The following THSD7B variants were observed in gnomAD, a reference collection of about 807,000 sequenced individuals.
THSD7B encodes the protein thrombospondin type-1 domain-containing protein 7B.
Under a neutral mutation model 213.6 loss-of-function variants are expected in THSD7B, and 138 were observed. The ratio of observed to expected loss-of-function variants is 0.65; its 90% CI spans 0.56 to 0.74. The LOEUF (loss-of-function observed/expected upper bound fraction) is 0.74, where lower values mean the gene tolerates loss of function less well. THSD7B is among the 30% of genes least tolerant of loss of function. The pLI, the probability that THSD7B is intolerant of heterozygous loss-of-function variation, is 0.00. For missense variants in THSD7B, 1,931 were observed against 1,991.5 expected (o/e 0.97, Z 0.58); for synonymous variants, 742 against 687.0 (o/e 1.08, Z -1.25).
At chr2:137,579,352 A>G (rs2105243305) in intron 17 of THSD7B, among the ~76,000 whole-genome samples, 1 of 152,302 alleles carries the variant, frequency 6.6e-6, no homozygotes, top group East Asian at 1.9e-4. Context: ...TACTCAAACC[A>G]AAACATTGGT....
chr2:137,067,011 T>C (rs1256013976), intron 3 of THSD7B, among the ~76,000 whole-genome samples: 1 of 152,128 alleles, frequency 6.6e-6, no homozygotes, highest in African/African-American at 2.4e-5. Flanking sequence ...CTTTACGATG[T>C]TTTTGATTTC....
At chr2:136,828,671 G>T (rs1573657427) in intron 1 of THSD7B, among the ~76,000 whole-genome samples, 1 of 152,280 alleles carries the variant, frequency 6.6e-6, no homozygotes, top group East Asian at 1.9e-4. Flanking sequence ...CCTCAGGCCT[G>T]CTAAGCACAT....
chr2:136,979,183 T>C (rs1473358086), intron 2 of THSD7B, among the ~76,000 whole-genome samples: 2 of 152,248 alleles, frequency 1.3e-5, no homozygotes, highest in Non-Finnish European at 2.9e-5. Flanking sequence ...TGGCCTTCCC[T>C]TTGTAGGTGA....
chr2:137,502,054 C>T (rs1309663856), intron 15 of THSD7B, among the ~76,000 whole-genome samples: 1 of 152,044 alleles, frequency 6.6e-6, no homozygotes, highest in East Asian at 1.9e-4. Flanking sequence ...ACAAGAAACT[C>T]GTAAGCCAAT....
chr2:137,366,299 G>A (rs1252474945), intron 12 of THSD7B, among the ~76,000 whole-genome samples: 1 of 151,960 alleles, frequency 6.6e-6, no homozygotes, highest in East Asian at 1.9e-4. Context: ...TAAATAATGA[G>A]TTAATGGCTG....
chr2:137,399,311 G>T (rs2104994001), intron 12 of THSD7B, among the ~76,000 whole-genome samples: 1 of 151,486 alleles, frequency 6.6e-6, no homozygotes, highest in South Asian at 2.1e-4. Flanking sequence ...TCCTCCCTCA[G>T]CCCCTTGAAT....
intron 15 of THSD7B, among the ~76,000 whole-genome samples, chr2:137,544,389 T>C (rs574979121): frequency 2.9e-4 from 44 of 151,872 alleles, no homozygotes; most frequent in Admixed American, 1.4e-3. Context: ...ATTTCCAGAA[T>C]AGGCAAATTC....
chr2:137,470,287 C>G (rs1184025154), intron 15 of THSD7B, among the ~76,000 whole-genome samples: 2 of 152,164 alleles, frequency 1.3e-5, no homozygotes, highest in Non-Finnish European at 2.9e-5. Flanking sequence ...TCTTCACAGA[C>G]CAGGTAAATG....
At chr2:137,451,217 G>T (rs1457369622) in intron 15 of THSD7B, among the ~76,000 whole-genome samples, 194 bp downstream of exon 15, 2 of 152,070 alleles carry the variant, frequency 1.3e-5, no homozygotes, top group African/African-American at 2.4e-5. Context: ...GGATAATGCT[G>T]AGACAAACTT....
At chr2:137,361,523 T>G (rs932907914) in intron 12 of THSD7B, among the ~76,000 whole-genome samples, 2 of 152,074 alleles carry the variant, frequency 1.3e-5, no homozygotes, top group Admixed American at 1.3e-4. Context: ...ATAAACAGTG[T>G]AGAGAAGACG....
intron 1 of THSD7B, among the ~76,000 whole-genome samples, chr2:136,880,348 A>G (rs1683598035): frequency 6.6e-6 from 1 of 152,188 alleles, no homozygotes; most frequent in Non-Finnish European, 1.5e-5. Flanking sequence ...TTTAGGGGCA[A>G]TAACTTCTAC....
At chr2:137,625,275 T>G (rs1376106477) in intron 20 of THSD7B, among the ~76,000 whole-genome samples, 1 of 128,156 alleles carries the variant, frequency 7.8e-6, no homozygotes, top group Non-Finnish European at 1.5e-5. Flanking sequence ...AATTGAACAA[T>G]GAAAACACTT....
intron 1 of THSD7B, among the ~76,000 whole-genome samples, chr2:136,849,272 A>G (rs957867974): frequency 2.0e-5 from 3 of 152,158 alleles, no homozygotes; most frequent in African/African-American, 7.2e-5. Context: ...TTTATTGCTC[A>G]CTATACTCTG....
At chr2:137,032,173 T>A (rs1686686836) in intron 2 of THSD7B, among the ~76,000 whole-genome samples, 1 of 152,008 alleles carries the variant, frequency 6.6e-6, no homozygotes. Context: ...TGGGATAGAA[T>A]CTGAGGTCTC....
intron 6 of THSD7B, among the ~76,000 whole-genome samples, chr2:137,165,334 G>T (rs1406642566): frequency 6.6e-6 from 1 of 152,190 alleles, no homozygotes; most frequent in African/African-American, 2.4e-5. Flanking sequence ...GTTAAAACCT[G>T]CCAGGACCAC....
At chr2:137,490,801 G>T (rs1248220115) in intron 15 of THSD7B, among the ~76,000 whole-genome samples, 2 of 152,134 alleles carry the variant, frequency 1.3e-5, no homozygotes, top group Non-Finnish European at 2.9e-5. Context: ...AGTCTAGAAA[G>T]TCCATAAGTT....
chr2:136,967,534 A>T (rs1474992510), intron 2 of THSD7B, among the ~76,000 whole-genome samples: 1 of 152,124 alleles, frequency 6.6e-6, no homozygotes, highest in Non-Finnish European at 1.5e-5. Context: ...TGTTCTTGAG[A>T]TATTTTCTTT....
intron 17 of THSD7B, among the ~76,000 whole-genome samples, chr2:137,600,095 G>A (rs1477538483): frequency 6.6e-6 from 1 of 151,904 alleles, no homozygotes; most frequent in African/African-American, 2.4e-5. Context: ...AGGGGCACCT[G>A]CACACATGCA....
At chr2:137,411,492 A>C (rs565302495) in intron 13 of THSD7B, 117 bp from the exon 14 acceptor site, 1 of 998,396 alleles carries the variant, frequency 1.0e-6, no homozygotes, top group Non-Finnish European at 1.4e-6. Flanking sequence ...AAGAGTGAAG[A>C]AAACAAAGGC....
Sources: gnomAD v4.1 joint callset for allele counts (sites outside exome capture counted in the v4.1 genomes callset) on GRCh38, gnomAD v4.1.1 for gene constraint, MANE v1.5 for transcripts, NCBI Gene and HGNC (gene_info 2026-07-23, HGNC 2026-07-21) for gene names.